Variants in STK32B observed in about 807,000 individuals in gnomAD.
The protein encoded by STK32B is serine/threonine-protein kinase 32B.
STK32B carries 43 observed loss-of-function variants against 52.6 expected under a neutral mutation model. That is an observed-to-expected ratio of 0.82 (90% CI 0.64 to 1.05). The LOEUF (loss-of-function observed/expected upper bound fraction) is 1.05, where lower values mean the gene tolerates loss of function less well. STK32B is among the 50% of genes least tolerant of loss of function. The pLI is 0.00. For missense variants in STK32B, 621 were observed against 534.6 expected (o/e 1.16, Z -1.59); for synonymous variants, 238 against 204.3 (o/e 1.17, Z -1.41).
intron 6 of STK32B, among the ~76,000 whole-genome samples, chr4:5,445,588 T>C (rs1019467857): frequency 1.3e-5 from 2 of 152,114 alleles, no homozygotes; most frequent in Non-Finnish European, 2.9e-5. Context: ...CCAGGACAAA[T>C]GCAGCACCCT....
At chr4:5,283,787 T>G (rs1728365128) in intron 3 of STK32B, among the ~76,000 whole-genome samples, 1 of 152,160 alleles carries the variant, frequency 6.6e-6, no homozygotes, top group Admixed American at 6.5e-5. Flanking sequence ...CAAACAAAGC[T>G]AAAGGAGTTC....
intron 5 of STK32B, among the ~76,000 whole-genome samples, chr4:5,401,448 A>G (rs1737287158): frequency 6.6e-6 from 1 of 152,204 alleles, no homozygotes; most frequent in Non-Finnish European, 1.5e-5. Flanking sequence ...AATGATGTCC[A>G]AAATCTGCTA....
At chr4:5,450,354 A>G (rs2109129545) in intron 7 of STK32B, among the ~76,000 whole-genome samples, 1 of 152,290 alleles carries the variant, frequency 6.6e-6, no homozygotes, top group Non-Finnish European at 1.5e-5. Flanking sequence ...CACAGAGAAG[A>G]GATGGACAGA....
intron 3 of STK32B, among the ~76,000 whole-genome samples, chr4:5,223,882 G>C (rs1394945865): frequency 6.6e-6 from 1 of 151,096 alleles, no homozygotes; most frequent in East Asian, 1.9e-4. Context: ...TTACCTTTTG[G>C]GTTTTGGACT....
In STK32B at chr4:5,469,195, C is replaced by T. The variant is rs1717668772; in HGVS notation, c.1106+1125C>T. Among the ~76,000 whole-genome samples, 1 of 152,220 alleles carries T rather than the reference C, an allele frequency of 6.6e-6. No homozygotes were observed. Among genetic ancestry groups the T allele is most frequent in the African/African-American group, 2.4e-5 (1 of 41,456 alleles). On this transcript the variant is annotated intron_variant, in intron 11 of 11. Transcript: ENST00000282908. The surrounding 1 kb of genome is among the most constrained non-coding windows in gnomAD (Gnocchi z 4.7). Reference sequence around the variant, plus strand: ...TGGTGGAGGCAAATCAGAGATGCTTCCTGCCCTCCAGGAGATTCAAATATT... The same window carrying T: ...TGGTGGAGGCAAATCAGAGATGCTTTCTGCCCTCCAGGAGATTCAAATATT...
chr4:5,143,075 T>C (rs1202928748), intron 2 of STK32B, among the ~76,000 whole-genome samples: 1 of 150,954 alleles, frequency 6.6e-6, no homozygotes, highest in Non-Finnish European at 1.5e-5. Context: ...ACCAGTTCTT[T>C]AAAATAAATC....
chr4:5,019,598 G>C, the STK32B span: 13 of 760,660 alleles, frequency 1.7e-5, no homozygotes, highest in Non-Finnish European at 2.4e-5. Flanking sequence ...CACCGGGCAG[G>C]GTCGGGACAG....
intron 8 of STK32B, among the ~76,000 whole-genome samples, 163 bp downstream of exon 8, chr4:5,457,086 TG>T (rs1716596839): frequency 1.3e-5 from 2 of 152,110 alleles, no homozygotes; most frequent in African/African-American, 4.8e-5. Flanking sequence ...AACGCTGTTA[TG>T]GGGGTGCGTG....
In STK32B at chr4:5,196,723, A is replaced by AAAAATAAAATAAAATAAAATAAAAT. The variant is rs57722522; in HGVS notation, c.260+28290_260+28314dup. Reference sequence around the variant, plus strand: ...GCGGCAGAGCGAGACTCTGTCTCAAAAAAATAAAATAAAATAAAATAAAAT... The same window carrying AAAAATAAAATAAAATAAAATAAAAT: ...GCGGCAGAGCGAGACTCTGTCTCAAAAAAATAAAATAAAATAAAATAAAATAAAATAAAATAAAATAAAATAAAAT... On this transcript the variant is annotated intron_variant, in intron 3 of 11. Coordinates refer to ENST00000282908, the MANE Select transcript of STK32B (RefSeq NM_018401.3). Among the ~76,000 whole-genome samples, 16 of 145,512 alleles carry AAAAATAAAATAAAATAAAATAAAAT rather than the reference A, an allele frequency of 1.1e-4. No individual in the cohort carries two copies. In the East Asian group the frequency reaches 1.6e-3, roughly 15 times the overall value.
At chr4:5,172,542 C>T (rs1351509011) in intron 3 of STK32B, among the ~76,000 whole-genome samples, 11 of 152,146 alleles carry the variant, frequency 7.2e-5, no homozygotes, top group African/African-American at 2.6e-4. Context: ...TTGTCAAAGG[C>T]CTTTTCTGCA....
At chr4:5,477,720 A>G (rs977764422) in intron 11 of STK32B, among the ~76,000 whole-genome samples, 4 of 152,138 alleles carry the variant, frequency 2.6e-5, no homozygotes, top group Non-Finnish European at 5.9e-5. Flanking sequence ...CTTGGGAATT[A>G]CACGCTCCAG....
rs551099224 is a variant in STK32B, at chr4:5,428,389, C to G, written c.562+11455C>G. On this transcript the variant is annotated intron_variant, in intron 6 of 11. Transcript: ENST00000282908. ...CACCACTGCACTCTAGCCTGGGCAA[C>G]AAAGTGAGACTCTGTCTAAAAAAAA... Among the ~76,000 whole-genome samples, 6 of 152,082 alleles carry G rather than the reference C, an allele frequency of 3.9e-5. No homozygotes were observed. The South Asian group carries it at 1.2e-3, about 32-fold the overall frequency.
chr4:5,357,369 G>T (rs1734256703), intron 4 of STK32B, among the ~76,000 whole-genome samples: 1 of 152,142 alleles, frequency 6.6e-6, no homozygotes, highest in African/African-American at 2.4e-5. Context: ...CCTGCCATGG[G>T]GCTCACAGTT....
At chr4:5,092,096 G>T (rs1013986638) in intron 1 of STK32B, among the ~76,000 whole-genome samples, 6 of 152,186 alleles carry the variant, frequency 3.9e-5, no homozygotes, top group African/African-American at 1.2e-4. Flanking sequence ...GGAGTGAAAC[G>T]TCCTGGAATT....
At chr4:5,108,000 C>G (rs1714198531) in intron 1 of STK32B, among the ~76,000 whole-genome samples, 1 of 152,176 alleles carries the variant, frequency 6.6e-6, no homozygotes, top group Non-Finnish European at 1.5e-5. Flanking sequence ...CCACTCACAT[C>G]AATAAATGCA....
chr4:5,202,535 A>G (rs1366330787), intron 3 of STK32B, among the ~76,000 whole-genome samples: 2 of 152,210 alleles, frequency 1.3e-5, no homozygotes, highest in East Asian at 3.9e-4. Flanking sequence ...TCTCAACCCC[A>G]TGTTTCTTCT....
In STK32B at chr4:5,396,496, A is replaced by G. The variant is rs1299481592; in HGVS notation, c.435-1711A>G. ...AAGTTCTGGGTGGACATGAATTTTGAAGGGACACCATTCAACCCAGTACGC... is the reference window on the plus strand; with the variant it reads ...AAGTTCTGGGTGGACATGAATTTTGGAGGGACACCATTCAACCCAGTACGC... On this transcript the variant is annotated intron_variant, in intron 4 of 11. Coordinates refer to ENST00000282908, the MANE Select transcript of STK32B (RefSeq NM_018401.3). The surrounding 1 kb of genome is among the most constrained non-coding windows in gnomAD (Gnocchi z 4.7). 6.6e-6 allele frequency among the ~76,000 whole-genome samples: 1 copy of G among 152,162 alleles called. No individual in the cohort carries two copies. The highest frequency in any genetic ancestry group is 1.5e-5 in the Non-Finnish European group (1 of 68,028).
intron 3 of STK32B, among the ~76,000 whole-genome samples, chr4:5,169,828 A>G (rs920683840): frequency 6.6e-6 from 1 of 152,214 alleles, no homozygotes; most frequent in Non-Finnish European, 1.5e-5. Context: ...GAAAACAAAA[A>G]TTACCCAGAA....
intron 7 of STK32B, among the ~76,000 whole-genome samples, chr4:5,448,602 G>T (rs896069711): frequency 1.3e-5 from 2 of 152,202 alleles, no homozygotes; most frequent in African/African-American, 4.8e-5. Context: ...AGTGGTCCTT[G>T]CTGATTCACA....
Sources: allele counts gnomAD v4.1 joint callset (sites outside exome capture counted in the v4.1 genomes callset), GRCh38; gene constraint gnomAD v4.1.1; non-coding constraint Gnocchi (gnomAD v3.1); transcripts MANE v1.5; gene names NCBI Gene and HGNC (gene_info 2026-07-23, HGNC 2026-07-21).